Variants in KIF1A observed in about 807,000 individuals in gnomAD.
The protein encoded by KIF1A is kinesin family member 1A.
Under a neutral mutation model 227.3 loss-of-function variants are expected in KIF1A, and 46 were observed. The observed-to-expected ratio is 0.20, with a 90% confidence interval of 0.16 to 0.26. KIF1A has a LOEUF of 0.26. Among genes scored for constraint, KIF1A ranks in the 10% least tolerant of loss-of-function variants. KIF1A has a pLI of 1.00. For synonymous variants in KIF1A, 1,022 were observed against 1,012.8 expected (o/e 1.01, Z -0.17); for missense variants, 1,683 against 2,485.9 (o/e 0.68, Z 6.87).
chr2:240,735,867 G>A (rs542845127), intron 38 of KIF1A, among the ~76,000 whole-genome samples: 18 of 151,800 alleles, frequency 1.2e-4, no homozygotes, highest in African/African-American at 4.3e-4. Context: ...ACACCCCCCG[G>A]ATTCTCCACC....
rs180685421 is a variant in KIF1A, at chr2:240,800,335, G to A, written c.-60-2523C>T. ...ATGCACACCACGAAGCATGGAAGGC[G>A]AAGGCGGCTTGGTGGGTGCAGTGGC... On this transcript the variant is annotated intron_variant, in intron 1 of 48. Coordinates refer to ENST00000498729, the MANE Select transcript of KIF1A (RefSeq NM_001244008.2). Among the ~76,000 whole-genome samples, 6 of 152,314 alleles carry A rather than the reference G, an allele frequency of 3.9e-5. No individual in the cohort carries two copies. The East Asian group carries it at 1.2e-3, about 29-fold the overall frequency.
rs2044789338 is a variant in KIF1A, at chr2:240,718,188, G to C, written c.5215-20C>G. On this transcript the variant is annotated intron_variant, in intron 47 of 48. Coordinates refer to ENST00000498729, the MANE Select transcript of KIF1A (RefSeq NM_001244008.2). The stretch of plus-strand genomic sequence containing the variant: ...GGGTGTCTGCAGAGGGAGGCAGCTG[G>C]TGAGGAGGTGCCAGGCTCCGTGGTC... 2 of 1,524,634 alleles carry C rather than the reference G, an allele frequency of 1.3e-6. No individual in the cohort carries two copies. The highest frequency in any genetic ancestry group is 1.8e-6 in the Non-Finnish European group (2 of 1,113,278). The allele number at this position is 1,524,634 out of a possible 1,614,324, so 94.4% of individuals were successfully genotyped here.
At chr2:240,738,716 C>T (rs1240007555) in intron 37 of KIF1A, among the ~76,000 whole-genome samples, 2 of 152,236 alleles carry the variant, frequency 1.3e-5, no homozygotes, top group African/African-American at 4.8e-5. Context: ...TAAACAGACA[C>T]TCCTGTTGGC....
intron 37 of KIF1A, chr2:240,737,575 A>AAGGG (rs1193112661): frequency 6.6e-6 from 1 of 151,476 alleles, no homozygotes; most frequent in Non-Finnish European, 1.4e-5. Flanking sequence ...GGGAGGGAGG[A>AAGGG]AGGGAGGGAG....
At position 240,788,180 on chromosome 2, in the gene KIF1A, G is replaced by A. The variant is rs61744930; in HGVS notation, c.234C>T (p.Gly78=). 7.0e-3 allele frequency: 11,340 copies of A among 1,613,788 alleles called. 656 individuals carry two copies. The African/African-American group carries it at 0.13, about 18-fold the overall frequency. ...ASQKQVYRDI[G]EEMLQHAFEG... is the part of the protein sequence containing the mutation. ...CAAAGGCATGCTGCAGCATCTCCTC[G>A]CCGATGTCCCGGTACACCTGCTTCT... is the stretch of plus-strand genomic sequence containing the variant. The change falls in exon 4 of 49, where the codon GGC becomes GGT. Residue 78 remains glycine (G), a synonymous_variant. Transcript: ENST00000498729. This position sits in a 1 kb window ranked among gnomAD's most constrained non-coding sequence, Gnocchi z 6.6.
chr2:240,746,246 C>A, intron 29 of KIF1A, 69 bp from the exon 30 acceptor site: 1 of 1,522,686 alleles, frequency 6.6e-7, no homozygotes, highest in Non-Finnish European at 8.9e-7. Flanking sequence ...TAGACCCTGC[C>A]ACAGGCCCAC....
At chr2:240,735,410 C>T (rs2047203428) in intron 38 of KIF1A, among the ~76,000 whole-genome samples, 1 of 130,388 alleles carries the variant, frequency 7.7e-6, no homozygotes, top group South Asian at 2.4e-4. Flanking sequence ...CCTACGTCAC[C>T]CATGGCAGCT....
In KIF1A at chr2:240,722,641, G is replaced by A. The variant is rs2125598661; in HGVS notation, c.4480C>T (p.His1494Tyr). The change falls in exon 43 of 49, where the codon CAC becomes TAC. Residue 1494 changes from histidine (H) to tyrosine (Y), a missense_variant. His to Tyr is a moderately conservative substitution (Grantham distance 83, BLOSUM62 2). Around this residue, in one of 12 missense-constraint regions of KIF1A, gnomAD observed 759 missense variants for 1,020.2 expected, o/e 0.74. Coordinates refer to ENST00000498729, the MANE Select transcript of KIF1A (RefSeq NM_001244008.2). ...AGCTTCTCCCGCAGGAGCAGGTAGT[G>A]CCTAGTCTTCTCCACCTTCAGACAG... ...SLLQEVEKTR[H>Y]YLLLREKLET... The A allele has an allele frequency of 6.5e-7, 1 of 1,546,310 alleles. No homozygotes were observed. Among genetic ancestry groups the A allele is most frequent in the Non-Finnish European group, 8.7e-7 (1 of 1,144,464 alleles).
chr2:240,721,070 AG>A, intron 44 of KIF1A, 32 bp from the exon 45 acceptor site: 1 of 1,609,624 alleles, frequency 6.2e-7, no homozygotes, highest in East Asian at 2.2e-5. Context: ...CAGGGGACAC[AG>A]GGAAGGGGGG....
At position 240,737,051 on chromosome 2, in the gene KIF1A, T is replaced by C. The variant is rs745416101; in HGVS notation, c.4007+12A>G. 1.6e-5 allele frequency: 25 copies of C among 1,601,896 alleles called. No homozygotes were observed. The East Asian group carries it at 5.1e-4, about 33-fold the overall frequency. The stretch of plus-strand genomic sequence containing the variant: ...TGCCCTGGGCCCTGTCTCCAGGGAG[T>C]CTCCGACTCACCGGTCATCTTGGGC... On this transcript the variant is annotated intron_variant, in intron 38 of 48. Coordinates refer to ENST00000498729, the MANE Select transcript of KIF1A (RefSeq NM_001244008.2).
intron 1 of KIF1A, among the ~76,000 whole-genome samples, chr2:240,812,030 G>A (rs2057905052): frequency 6.6e-6 from 1 of 152,132 alleles, no homozygotes; most frequent in African/African-American, 2.4e-5. Context: ...CTGAGCCAGG[G>A]GCCCCAGGAC....
Position 240,769,735 on chromosome 2 carries a change from T to A in KIF1A, c.1342-29A>T, listed in dbSNP as rs761557594. On this transcript the variant is annotated intron_variant, in intron 15 of 48. Transcript: ENST00000498729. ...GGGATTGAGGCAGAGCACAGTGAGC[T>A]GCCGGGGCTAGGGCCAAGGGAGAGG... 2.1e-5 allele frequency: 34 copies of A among 1,599,328 alleles called. No homozygotes were observed. In the African/African-American group the frequency reaches 4.0e-4, roughly 19 times the overall value.
At chr2:240,800,209 C>T (rs945229423) in intron 1 of KIF1A, among the ~76,000 whole-genome samples, 22 of 151,916 alleles carry the variant, frequency 1.4e-4, no homozygotes, top group African/African-American at 5.3e-4. Flanking sequence ...CTGGCTCTCC[C>T]GTATTGAAAA....
intron 38 of KIF1A, among the ~76,000 whole-genome samples, chr2:240,731,348 C>T (rs1223631064): frequency 2.0e-5 from 3 of 152,212 alleles, no homozygotes; most frequent in African/African-American, 7.2e-5. Flanking sequence ...ATCCTGTCCC[C>T]ACAGGCTTGA....
chr2:240,753,394 T>A (rs184018438), intron 27 of KIF1A, among the ~76,000 whole-genome samples: 3 of 152,330 alleles, frequency 2.0e-5, no homozygotes, highest in Admixed American at 2.0e-4. Flanking sequence ...ACAAACGCTG[T>A]GTGGAACTGA....
chr2:240,755,636 G>T (rs2049760337), intron 27 of KIF1A, among the ~76,000 whole-genome samples: 1 of 152,206 alleles, frequency 6.6e-6, no homozygotes, highest in Non-Finnish European at 1.5e-5. Flanking sequence ...GCAATATGGG[G>T]GCCAGGTCTC....
intron 11 of KIF1A, 62 bp from the exon 12 acceptor site, chr2:240,774,323 C>A (rs1473968462): frequency 1.4e-5 from 15 of 1,061,450 alleles, no homozygotes; most frequent in Non-Finnish European, 2.2e-5. Flanking sequence ...TATGTCTGCT[C>A]CCCCCTTCCC....
chr2:240,750,876 G>A (rs1225520549), intron 27 of KIF1A, among the ~76,000 whole-genome samples: 1 of 152,116 alleles, frequency 6.6e-6, no homozygotes, highest in Non-Finnish European at 1.5e-5. Flanking sequence ...GAGGACGGGG[G>A]CCAGACCAGG....
intron 1 of KIF1A, among the ~76,000 whole-genome samples, chr2:240,809,206 C>A (rs1575671258): frequency 6.6e-6 from 1 of 152,128 alleles, no homozygotes; most frequent in African/African-American, 2.4e-5. Flanking sequence ...AACTCAAGTT[C>A]TTTTGTGAAT....
Sources: gnomAD v4.1 joint callset for allele counts (sites outside exome capture counted in the v4.1 genomes callset) on GRCh38, gnomAD v4.1.1 for gene constraint, gnomAD v4.1.1 regional missense constraint, Gnocchi (gnomAD v3.1) non-coding constraint, MANE v1.5 for transcripts, NCBI Gene and HGNC (gene_info 2026-07-23, HGNC 2026-07-21) for gene names.